SGCZ: variants seen among roughly 807,000 people sequenced by gnomAD.
SGCZ encodes sarcoglycan zeta.
SGCZ carries 40 observed loss-of-function variants against 41.3 expected under a neutral mutation model. That is an observed-to-expected ratio of 0.97 (90% CI 0.75 to 1.26). The LOEUF is 1.26. Ranked by LOEUF, SGCZ falls within the 50% of genes most tolerant of loss-of-function variation. SGCZ has a pLI of 0.00. For synonymous variants in SGCZ, 206 were observed against 137.5 expected (o/e 1.50, Z -3.49); for missense variants, 552 against 369.8 (o/e 1.49, Z -4.04).
chr8:14,898,553 G>T (rs928880745), intron 1 of SGCZ, among the ~76,000 whole-genome samples: 2 of 152,176 alleles, frequency 1.3e-5, no homozygotes, highest in African/African-American at 4.8e-5. Context: ...GAATAAATTG[G>T]TAAAAGCAAG....
intron 1 of SGCZ, among the ~76,000 whole-genome samples, chr8:15,143,315 G>A (rs1016765686): frequency 2.6e-5 from 4 of 152,214 alleles, no homozygotes; most frequent in East Asian, 1.9e-4. Flanking sequence ...ACTCTAGCAC[G>A]TAGTAGGCAT....
intron 5 of SGCZ, among the ~76,000 whole-genome samples, chr8:14,143,214 G>A (rs779295874): frequency 5.3e-5 from 8 of 152,224 alleles, no homozygotes; most frequent in African/African-American, 9.6e-5. Flanking sequence ...AACATTGTAC[G>A]TAATGATGAA....
At chr8:14,376,820 T>A (rs1230991054) in intron 2 of SGCZ, among the ~76,000 whole-genome samples, 1 of 152,134 alleles carries the variant, frequency 6.6e-6, no homozygotes, top group African/African-American at 2.4e-5. Context: ...CATGAAAAAA[T>A]GATAATACAT....
chr8:15,043,662 T>TA lies in SGCZ; in HGVS notation c.39+193922dup, dbSNP rs538635512. ...AATCTTTTCTATATTAAAAAATTGTTAAAAAAGTAATTTCTTAAGCTTTTC... is the reference window on the plus strand; with the variant it reads ...AATCTTTTCTATATTAAAAAATTGTTAAAAAAAGTAATTTCTTAAGCTTTTC... On this transcript the variant is annotated intron_variant, in intron 1 of 7. Transcript: ENST00000382080. Among the ~76,000 whole-genome samples the TA allele has an allele frequency of 5.9e-3, 899 of 152,232 alleles. 8 individuals are homozygous for TA. Among genetic ancestry groups the TA allele is most frequent in the African/African-American group, 0.021 (864 of 41,576 alleles).
At chr8:14,984,461 T>C (rs1432135926) in intron 1 of SGCZ, among the ~76,000 whole-genome samples, 1 of 152,180 alleles carries the variant, frequency 6.6e-6, no homozygotes, top group Non-Finnish European at 1.5e-5. Flanking sequence ...TTAAATCTCC[T>C]TTAATCTATA....
At chr8:14,266,954 T>G (rs1312020591) in intron 3 of SGCZ, among the ~76,000 whole-genome samples, 1 of 152,084 alleles carries the variant, frequency 6.6e-6, no homozygotes, top group Non-Finnish European at 1.5e-5. Context: ...GCTAAATGAC[T>G]TCTGTGAAGG....
intron 1 of SGCZ, among the ~76,000 whole-genome samples, chr8:14,585,558 A>G (rs1387380308): frequency 6.6e-6 from 1 of 152,146 alleles, no homozygotes; most frequent in South Asian, 2.1e-4. Context: ...CAAGGCAAAA[A>G]TAAACCTATT....
chr8:14,598,905 C>T (rs780697886), intron 1 of SGCZ, among the ~76,000 whole-genome samples: 2 of 152,070 alleles, frequency 1.3e-5, no homozygotes, highest in African/African-American at 2.4e-5. Context: ...ATACTCCCTC[C>T]CATGATTTAG....
In SGCZ at chr8:14,697,580, T is replaced by C. The variant is rs867401533; in HGVS notation, c.40-142654A>G. 3.3e-5 allele frequency among the ~76,000 whole-genome samples: 5 copies of C among 152,148 alleles called. No individual in the cohort carries two copies. In the East Asian group the frequency reaches 7.7e-4, roughly 24 times the overall value. ...TTTTGTGAATTCAATAATTAGCTCA[T>C]GTCTTTCCTTTCACTTTGTCTCAGG... On this transcript the variant is annotated intron_variant, in intron 1 of 7. Transcript: ENST00000382080.
At chr8:14,351,279 T>C (rs997127486) in intron 2 of SGCZ, among the ~76,000 whole-genome samples, 3 of 152,164 alleles carry the variant, frequency 2.0e-5, no homozygotes, top group African/African-American at 7.2e-5. Flanking sequence ...TTTTACCTCA[T>C]GGGCATGTAA....
At chr8:14,169,655 C>T (rs769993733) in intron 4 of SGCZ, among the ~76,000 whole-genome samples, 12 of 152,146 alleles carry the variant, frequency 7.9e-5, no homozygotes, top group Non-Finnish European at 1.5e-4. Flanking sequence ...GGCTGGCTAT[C>T]TTTCGCTAGT....
intron 1 of SGCZ, among the ~76,000 whole-genome samples, chr8:14,895,186 C>T (rs1028560092): frequency 1.3e-4 from 20 of 152,130 alleles, no homozygotes; most frequent in Admixed American, 5.2e-4. Flanking sequence ...TTATTAATAA[C>T]AGTTGTTGCC....
intron 1 of SGCZ, among the ~76,000 whole-genome samples, chr8:14,844,533 A>C (rs1803035679): frequency 6.6e-6 from 1 of 152,128 alleles, no homozygotes; most frequent in Non-Finnish European, 1.5e-5. Flanking sequence ...TTACCATGAA[A>C]ATTGTTTGCC....
intron 1 of SGCZ, among the ~76,000 whole-genome samples, chr8:14,620,691 C>A (rs937375086): frequency 6.6e-6 from 1 of 152,156 alleles, no homozygotes; most frequent in Non-Finnish European, 1.5e-5. Flanking sequence ...TGAAAAAATG[C>A]TCATCATCAC....
intron 1 of SGCZ, among the ~76,000 whole-genome samples, chr8:14,673,151 G>A (rs180816676): frequency 1.2e-3 from 181 of 152,288 alleles, no homozygotes; most frequent in African/African-American, 4.1e-3. Flanking sequence ...CATAGTGAGT[G>A]TTATGATGTT....
At chr8:14,394,034 T>G (rs984882176) in intron 2 of SGCZ, among the ~76,000 whole-genome samples, 1 of 152,096 alleles carries the variant, frequency 6.6e-6, no homozygotes, top group African/African-American at 2.4e-5. Flanking sequence ...TATCCTTAAA[T>G]GATGAGTTTT....
intron 6 of SGCZ, 107 bp from the exon 7 acceptor site, chr8:14,102,606 A>G (rs1802068523): frequency 9.7e-7 from 1 of 1,033,320 alleles, no homozygotes. Flanking sequence ...GGTCAAAACA[A>G]CAACCAGACA....
intron 1 of SGCZ, among the ~76,000 whole-genome samples, chr8:15,034,364 G>GA (rs1803794248): frequency 6.6e-6 from 1 of 151,860 alleles, no homozygotes; most frequent in South Asian, 2.1e-4. Context: ...TGATCAAGCA[G>GA]AAAAAAGATC....
intron 2 of SGCZ, among the ~76,000 whole-genome samples, chr8:14,396,205 T>A (rs906175630): frequency 2.6e-5 from 4 of 152,202 alleles, no homozygotes; most frequent in Non-Finnish European, 5.9e-5. Flanking sequence ...CTCTTATATC[T>A]GCTTCTTATT....
Sources: gnomAD v4.1 joint callset for allele counts (sites outside exome capture counted in the v4.1 genomes callset) on GRCh38, gnomAD v4.1.1 for gene constraint, MANE v1.5 for transcripts, NCBI Gene and HGNC (gene_info 2026-07-23, HGNC 2026-07-21) for gene names.